The following PCNT variants were observed in gnomAD, a reference collection of about 807,000 sequenced individuals.
PCNT encodes kendrin.
PCNT carries 319 observed loss-of-function variants against 380.4 expected under a neutral mutation model. The ratio of observed to expected loss-of-function variants is 0.84; its 90% CI spans 0.77 to 0.92. The LOEUF (loss-of-function observed/expected upper bound fraction) is 0.92. Among genes scored for constraint, PCNT ranks in the 40% least tolerant of loss-of-function variants. The pLI, the probability that PCNT is intolerant of heterozygous loss-of-function variation, is 0.00. For missense variants in PCNT, 4,400 were observed against 4,255.3 expected (o/e 1.03, Z -0.95); for synonymous variants, 1,845 against 1,735.2 (o/e 1.06, Z -1.57).
At chr21:46,330,952 C>A (rs2083539966) in intron 2 of PCNT, among the ~76,000 whole-genome samples, 1 of 152,036 alleles carries the variant, frequency 6.6e-6, no homozygotes. Flanking sequence ...TTTTACCCAT[C>A]TATAAATTGT....
chr21:46,443,865 C>G lies in PCNT; in HGVS notation c.9756C>G (p.Thr3252=), dbSNP rs774216090. 9.5e-5 allele frequency: 154 copies of G among 1,613,210 alleles called. No homozygotes were observed. The highest frequency in any genetic ancestry group is 1.2e-4 in the Non-Finnish European group (147 of 1,179,998). The part of the protein sequence containing the change: ...SPPRTRESPP[T]RDVPSGHTRD... ...CCAGAACCAGAGAGTCCCCCCCAAC[C>G]CGGGATGTACCCTCTGGCCACACCA... The change falls in exon 45 of 47, where the codon ACC becomes ACG. Residue 3252 remains threonine, a synonymous_variant. Coordinates refer to ENST00000359568, the MANE Select transcript of PCNT (RefSeq NM_006031.6).
chr21:46,438,512 T>A (rs2053523012), intron 41 of PCNT, among the ~76,000 whole-genome samples, 175 bp downstream of exon 41: 1 of 152,198 alleles, frequency 6.6e-6, no homozygotes, highest in Non-Finnish European at 1.5e-5. Context: ...TGTTGTGGGA[T>A]GTTTGAACAT....
At chr21:46,328,876 C>T (rs999795985) in intron 2 of PCNT, among the ~76,000 whole-genome samples, 1 of 152,098 alleles carries the variant, frequency 6.6e-6, no homozygotes, top group South Asian at 2.1e-4. Flanking sequence ...CGATTTCAAG[C>T]GTTTCTCCTG....
In PCNT at chr21:46,349,721, C is replaced by T; in HGVS notation, c.1245C>T (p.Ala415=). 6.2e-7 allele frequency: 1 copy of T among 1,613,950 alleles called. No homozygotes were observed. ...ACCTGGAGAGTCATCATCAAGCAGC[C>T]ATTGAGAAGTTACGTGAAGACCTGC... ...LRNLESHHQA[A]IEKLREDLQS... is the part of the protein sequence containing the mutation. Residue 415 remains alanine, a synonymous_variant, in exon 8 of 47, where the codon GCC becomes GCT. Transcript: ENST00000359568.
chr21:46,436,195 C>T (rs1569305845), intron 39 of PCNT, 47 bp downstream of exon 39: 2 of 1,597,020 alleles, frequency 1.3e-6, no homozygotes, highest in African/African-American at 2.7e-5. Context: ...TGCAGCCACC[C>T]CTCTGTCCCA....
chr21:46,357,198 C>A lies in PCNT; in HGVS notation c.2154+7C>A, dbSNP rs376236418. 1.3e-6 allele frequency: 2 copies of A among 1,582,356 alleles called. No homozygotes were observed. Among genetic ancestry groups the A allele is most frequent in the South Asian group, 2.2e-5 (2 of 90,420 alleles). On this transcript the variant is annotated splice_region_variant and intron_variant, in intron 13 of 46. Transcript: ENST00000359568. ...GAAGGACGATTTGGAGAAGGTGAGT[C>A]GTGACTCCACAGCCCAGCGCCTCCC... is the stretch of plus-strand genomic sequence containing the variant.
intron 3 of PCNT, among the ~76,000 whole-genome samples, chr21:46,339,626 C>G (rs2083858269): frequency 6.6e-6 from 1 of 152,186 alleles, no homozygotes; most frequent in Admixed American, 6.5e-5. Flanking sequence ...TCCTTCCACG[C>G]TCTTCTGCCT....
intron 41 of PCNT, among the ~76,000 whole-genome samples, chr21:46,438,939 G>T (rs1257372579): frequency 6.6e-6 from 1 of 152,000 alleles, no homozygotes; most frequent in African/African-American, 2.4e-5. Context: ...AAAGTGCTGG[G>T]ATTACAGACA....
Position 46,370,375 on chromosome 21 carries a change from G to A in PCNT, c.3165+3236G>A, listed in dbSNP as rs978306991. ...GCTGGACGAAACACAAAGTGGAGGC[G>A]ATTCAGAGCCTGGGAGGTGCGGGGG... On this transcript the variant is annotated intron_variant, in intron 15 of 46. Coordinates refer to ENST00000359568, the MANE Select transcript of PCNT (RefSeq NM_006031.6). Among the ~76,000 whole-genome samples the A allele has an allele frequency of 1.7e-4, 26 of 151,922 alleles. 1 individual carries two copies. Among genetic ancestry groups the A allele is most frequent in the African/African-American group, 5.8e-4 (24 of 41,360 alleles).
chr21:46,423,483 C>T (rs1393499580), intron 32 of PCNT, among the ~76,000 whole-genome samples: 2 of 151,794 alleles, frequency 1.3e-5, no homozygotes, highest in African/African-American at 2.4e-5. Flanking sequence ...AGCCACAGCG[C>T]CTGGCCTCAA....
rs183356689 is a variant in PCNT at position 46,343,096 on chromosome 21, G to A, written c.640-3032G>A. 3.3e-4 allele frequency among the ~76,000 whole-genome samples: 50 copies of A among 152,222 alleles called. No homozygotes were observed. The East Asian group carries it at 8.9e-3, about 27-fold the overall frequency. ...AGTCTCCAGGGTTTTGTAGGTAAAC[G>A]ATCCTGTCATCAGCAGACAGGGACT... On this transcript the variant is annotated intron_variant, in intron 3 of 46. Coordinates refer to ENST00000359568, the MANE Select transcript of PCNT (RefSeq NM_006031.6).
rs1467210271 is a variant in PCNT, at chr21:46,363,621, A to G, written c.2296A>G (p.Lys766Glu). ...KEELQREAEE[K>E]LTLMLLELRE... ...GGAGCTACAGCGGGAAGCTGAGGAG[A>G]AGTTAACATTGATGCTACTTGAACT... The change falls in exon 14 of 47, where the codon AAG becomes GAG. Residue 766 changes from lysine (K) to glutamate (E), a missense_variant. Physicochemically the swap from Lys to Glu is moderately conservative, Grantham distance 56 (BLOSUM62 1). Transcript: ENST00000359568. 1 of 1,614,074 alleles carries G rather than the reference A, an allele frequency of 6.2e-7. No homozygotes were observed. Among genetic ancestry groups the G allele is most frequent in the African/African-American group, 1.3e-5 (1 of 74,936 alleles).
chr21:46,380,254 C>G (rs1288199622), intron 15 of PCNT, among the ~76,000 whole-genome samples: 1 of 145,674 alleles, frequency 6.9e-6, no homozygotes, highest in Non-Finnish European at 1.5e-5. Flanking sequence ...CTCTGCCTCC[C>G]AGGTTCACAC....
chr21:46,402,560 T>A, intron 27 of PCNT, 77 bp downstream of exon 27: 2 of 1,502,728 alleles, frequency 1.3e-6, no homozygotes, highest in Non-Finnish European at 1.9e-6. Flanking sequence ...AAGACCCTCA[T>A]CGGGGAGGCG....
chr21:46,347,396 A>G, intron 5 of PCNT, 61 bp from the exon 6 acceptor site: 2 of 1,539,230 alleles, frequency 1.3e-6, no homozygotes, highest in Admixed American at 3.4e-5. Context: ...TTTCCTGGGC[A>G]GTTGGGTCAC....
At chr21:46,428,707 T>A in intron 35 of PCNT, 117 bp downstream of exon 35, 1 of 921,422 alleles carries the variant, frequency 1.1e-6, no homozygotes, top group Non-Finnish European at 1.7e-6. Flanking sequence ...GTCAAGCCCC[T>A]GAGTGTTGCC....
chr21:46,348,044 C>T lies in PCNT; in HGVS notation c.1032+532C>T, dbSNP rs114894581. On this transcript the variant is annotated intron_variant, in intron 6 of 46. Transcript: ENST00000359568. ...GCCCTTCCTGAGTCAGGCATCTGGG[C>T]AGCTCTCAGGCCCTTGGCAGACGAT... 5.4e-3 allele frequency among the ~76,000 whole-genome samples: 823 copies of T among 152,324 alleles called. 6 individuals carry two copies. Among genetic ancestry groups the T allele is most frequent in the African/African-American group, 0.019 (789 of 41,564 alleles).
chr21:46,328,995 C>T (rs552772891), intron 2 of PCNT, among the ~76,000 whole-genome samples: 1 of 149,836 alleles, frequency 6.7e-6, no homozygotes, highest in African/African-American at 2.5e-5. Context: ...AGGCTGGTCT[C>T]GAACTCCTGA....
chr21:46,357,211 C>T lies in PCNT; in HGVS notation c.2154+20C>T. 1.3e-6 allele frequency: 2 copies of T among 1,506,916 alleles called. No individual in the cohort carries two copies. The highest frequency in any genetic ancestry group is 1.4e-5 in the African/African-American group (1 of 72,970). 93.3% of individuals were successfully genotyped at this position (1,506,916 alleles called of 1,614,324 possible). ...GAGAAGGTGAGTCGTGACTCCACAGCCCAGCGCCTCCCGCCCGAGTCCTTG... is the reference window on the plus strand; with the variant it reads ...GAGAAGGTGAGTCGTGACTCCACAGTCCAGCGCCTCCCGCCCGAGTCCTTG... On this transcript the variant is annotated intron_variant, in intron 13 of 46. Transcript: ENST00000359568.
Sources: gnomAD v4.1 joint callset for allele counts (sites outside exome capture counted in the v4.1 genomes callset) on GRCh38, gnomAD v4.1.1 for gene constraint, MANE v1.5 for transcripts, NCBI Gene and HGNC (gene_info 2026-07-23, HGNC 2026-07-21) for gene names.